The following RBFOX1 variants were observed in gnomAD, a reference collection of about 807,000 sequenced individuals.
RBFOX1 encodes RNA binding protein fox-1 homolog 1.
Under a neutral mutation model 57.7 loss-of-function variants are expected in RBFOX1, and 8 were observed. The ratio of observed to expected loss-of-function variants is 0.14; its 90% CI spans 0.08 to 0.25. The LOEUF (loss-of-function observed/expected upper bound fraction) is 0.25, where lower values mean the gene tolerates loss of function less well. RBFOX1 is among the 10% of genes least tolerant of loss of function. The probability of loss-of-function intolerance (pLI) is 1.00; values close to 1 mark genes in which losing one functional copy is unlikely to be tolerated. For missense variants in RBFOX1, 611 were observed against 548.5 expected (o/e 1.11, Z -1.14); for synonymous variants, 326 against 222.4 (o/e 1.47, Z -4.15).
At chr16:6,474,914 A>C (rs2095249191) in intron 2 of RBFOX1, among the ~76,000 whole-genome samples, 2 of 152,226 alleles carry the variant, frequency 1.3e-5, no homozygotes, top group African/African-American at 4.8e-5. Context: ...AGTGTTATTT[A>C]ACATAAAGAG....
intron 1 of RBFOX1, among the ~76,000 whole-genome samples, chr16:5,352,106 A>G (rs77126445): frequency 0.077 from 11,631 of 151,936 alleles, 1,539 homozygotes; most frequent in African/African-American, 0.27. Flanking sequence ...GCGCCCAACC[A>G]GTCTCTATTC....
intron 3 of RBFOX1, among the ~76,000 whole-genome samples, chr16:5,625,242 G>A (rs2151290998): frequency 6.6e-6 from 1 of 152,218 alleles, no homozygotes; most frequent in African/African-American, 2.4e-5. Context: ...CCTAGGATCT[G>A]TAGCAGGACC....
At chr16:7,708,235 C>G (rs1349917084) in intron 14 of RBFOX1, among the ~76,000 whole-genome samples, 2 of 151,096 alleles carry the variant, frequency 1.3e-5, no homozygotes, top group African/African-American at 2.4e-5. Context: ...AGTGACTTCA[C>G]TTGATTCCTT....
At chr16:5,422,936 GA>G (rs1383563513) in intron 1 of RBFOX1, among the ~76,000 whole-genome samples, 6 of 127,686 alleles carry the variant, frequency 4.7e-5, no homozygotes, top group African/African-American at 1.8e-4. Flanking sequence ...GAGGATGAGG[GA>G]GAGGGAAGGG....
intron 3 of RBFOX1, among the ~76,000 whole-genome samples, chr16:6,984,187 C>A (rs1040111831): frequency 6.6e-6 from 1 of 152,086 alleles, no homozygotes; most frequent in Non-Finnish European, 1.5e-5. Flanking sequence ...GCAGAGGTTG[C>A]GGTGAGCCGA....
In RBFOX1 at chr16:5,539,602, A is replaced by G. The variant is rs1044589614; in HGVS notation, c.259-59300A>G. Among the ~76,000 whole-genome samples the G allele has an allele frequency of 1.4e-4, 21 of 152,066 alleles. 1 individual carries two copies. The highest frequency in any genetic ancestry group is 4.6e-4 in the African/African-American group (19 of 41,382). ...GGCAATAGAGCGAGACTCTCTCTCA[A>G]AAAAAATCCCAAAAAACAAAACAAA... is the stretch of plus-strand genomic sequence containing the variant. On this transcript the variant is annotated intron_variant, in intron 2 of 2. Transcript: ENST00000585867.
At chr16:6,980,027 T>C (rs1201219100) in intron 3 of RBFOX1, among the ~76,000 whole-genome samples, 1 of 151,212 alleles carries the variant, frequency 6.6e-6, no homozygotes, top group Admixed American at 6.6e-5. Flanking sequence ...GTCATTATAG[T>C]GTTAACGGTG....
intron 2 of RBFOX1, among the ~76,000 whole-genome samples, chr16:5,497,131 C>T (rs1597303461): frequency 1.3e-5 from 2 of 152,052 alleles, no homozygotes; most frequent in East Asian, 3.9e-4. Flanking sequence ...GTTTTATAAA[C>T]GAAGTTTGAA....
chr16:6,151,236 G>A (rs60725346), intron 1 of RBFOX1, among the ~76,000 whole-genome samples: 3 of 152,224 alleles, frequency 2.0e-5, no homozygotes, highest in East Asian at 1.9e-4. Flanking sequence ...AAGGAACCCC[G>A]CGACACCATT....
chr16:5,500,547 A>G (rs2151696080), intron 2 of RBFOX1, among the ~76,000 whole-genome samples: 1 of 152,230 alleles, frequency 6.6e-6, no homozygotes, highest in South Asian at 2.1e-4. Flanking sequence ...AAATGTTTAT[A>G]TGCAGCTGCT....
At chr16:6,394,510 T>TA (rs1453916684) in intron 2 of RBFOX1, among the ~76,000 whole-genome samples, 1 of 151,684 alleles carries the variant, frequency 6.6e-6, no homozygotes, top group Non-Finnish European at 1.5e-5. Flanking sequence ...AAAATTGCTT[T>TA]TTTTTTGTGA....
rs374138178 is a variant in RBFOX1 at position 5,697,532 on chromosome 16, A to ATTTTTTTTTTTTTTTTTTTTTTT, written c.318+98573_318+98574insTTTTTTTTTTTTTTTTTTTTTTT. Among the ~76,000 whole-genome samples the ATTTTTTTTTTTTTTTTTTTTTTT allele has an allele frequency of 6.0e-5, 8 of 133,966 alleles. 4 individuals carry two copies. The highest frequency in any genetic ancestry group is 5.4e-5 in the African/African-American group (2 of 37,364). 87.9% of individuals were successfully genotyped at this position (133,966 alleles called of 152,430 possible). On this transcript the variant is annotated intron_variant, in intron 3 of 19. Coordinates refer to the RBFOX1 transcript ENST00000641259. The stretch of plus-strand genomic sequence containing the variant: ...GTTGTGGGCTTTTCTTTTCTTTTCT[A>ATTTTTTTTTTTTTTTTTTTTTTT]TTCTTTTTTTTTTTTTTTTGAGATA...
At chr16:6,752,291 G>A (rs2075072185) in intron 3 of RBFOX1, among the ~76,000 whole-genome samples, 1 of 152,108 alleles carries the variant, frequency 6.6e-6, no homozygotes. Context: ...ATGCAATTTG[G>A]ATGTACTCCA....
chr16:6,620,356 G>A (rs762275269), intron 2 of RBFOX1, among the ~76,000 whole-genome samples: 3 of 152,132 alleles, frequency 2.0e-5, no homozygotes, highest in Non-Finnish European at 4.4e-5. Flanking sequence ...AGTGTTAAGA[G>A]GGAAATGTAT....
rs936305538 is a variant in RBFOX1 at position 5,520,012 on chromosome 16, G to A, written c.258+52758G>A. 2.0e-5 allele frequency among the ~76,000 whole-genome samples: 3 copies of A among 152,224 alleles called. No individual in the cohort carries two copies. In the South Asian group the frequency reaches 6.2e-4, roughly 31 times the overall value. Reference sequence around the variant, plus strand: ...AGTCTATTGGAAGTGGATATTAAAGGAGTAAACTGATAAACGTATAACTAA... The same window carrying A: ...AGTCTATTGGAAGTGGATATTAAAGAAGTAAACTGATAAACGTATAACTAA... On this transcript the variant is annotated intron_variant, in intron 2 of 2. Transcript: ENST00000585867.
Position 5,946,564 on chromosome 16 carries a change from A to G in RBFOX1, c.351+79229A>G, listed in dbSNP as rs773026357. ...CTCACTCTATGCATATTTTTTTCCA[A>G]CTGGGTGTTCCTGAGTTATATCCTT... On this transcript the variant is annotated intron_variant, in intron 4 of 19. Transcript: ENST00000641259. This position sits in a 1 kb window ranked among gnomAD's most constrained non-coding sequence, Gnocchi z 4.6. Among the ~76,000 whole-genome samples, 2 of 151,990 alleles carry G rather than the reference A, an allele frequency of 1.3e-5. No homozygotes were observed. Among genetic ancestry groups the G allele is most frequent in the Admixed American group, 6.6e-5 (1 of 15,244 alleles).
At chr16:6,161,358 C>T (rs1269854492) in intron 1 of RBFOX1, among the ~76,000 whole-genome samples, 2 of 150,780 alleles carry the variant, frequency 1.3e-5, no homozygotes, top group African/African-American at 2.4e-5. Flanking sequence ...CACTGCACTC[C>T]AGCCTGGGCG....
chr16:5,952,351 A>G (rs927396586), intron 4 of RBFOX1, among the ~76,000 whole-genome samples: 19 of 151,970 alleles, frequency 1.3e-4, no homozygotes, highest in African/African-American at 3.9e-4. Flanking sequence ...GGGTTTCACC[A>G]TGTTGACCAG....
At chr16:7,279,309 G>T (rs1303735417) in intron 4 of RBFOX1, among the ~76,000 whole-genome samples, 1 of 151,948 alleles carries the variant, frequency 6.6e-6, no homozygotes, top group Non-Finnish European at 1.5e-5. Context: ...GCTGAAATGC[G>T]GATTTCTCAG....
Sources: allele counts gnomAD v4.1 joint callset (sites outside exome capture counted in the v4.1 genomes callset), GRCh38; gene constraint gnomAD v4.1.1; non-coding constraint Gnocchi (gnomAD v3.1); transcripts MANE v1.5; gene names NCBI Gene and HGNC (gene_info 2026-07-23, HGNC 2026-07-21).